DLG2: variants seen among roughly 807,000 people sequenced by gnomAD.
The protein encoded by DLG2 is discs large MAGUK scaffold protein 2, also known as disks large homolog 2.
In DLG2, 45 loss-of-function variants were observed where a neutral mutation model predicts 132.5. The ratio of observed to expected loss-of-function variants is 0.34; its 90% CI spans 0.27 to 0.44. The LOEUF (loss-of-function observed/expected upper bound fraction) is 0.44. Among genes scored for constraint, DLG2 ranks in the 20% least tolerant of loss-of-function variants. The probability of loss-of-function intolerance (pLI) is 1.00; values close to 1 mark genes in which losing one functional copy is unlikely to be tolerated. For missense variants in DLG2, 1,045 were observed against 1,196.9 expected (o/e 0.87, Z 1.87); for synonymous variants, 424 against 419.6 (o/e 1.01, Z -0.13).
At chr11:83,482,950 C>T (rs773808033) in intron 22 of DLG2, among the ~76,000 whole-genome samples, 15 of 152,056 alleles carry the variant, frequency 9.9e-5, no homozygotes, top group African/African-American at 3.1e-4. Context: ...AGGTATTAAG[C>T]GGCAGAGCAA....
chr11:85,561,067 T>C (rs1312362146), intron 3 of DLG2, among the ~76,000 whole-genome samples: 1 of 148,152 alleles, frequency 6.7e-6, no homozygotes, highest in Non-Finnish European at 1.5e-5. Context: ...CACTGTGAGC[T>C]GTGTAAGGCC....
At chr11:83,664,533 G>A (rs1197727728) in intron 18 of DLG2, among the ~76,000 whole-genome samples, 1 of 151,970 alleles carries the variant, frequency 6.6e-6, no homozygotes, top group Non-Finnish European at 1.5e-5. Context: ...AGTAGTTAAA[G>A]CTGCAGGAAT....
intron 6 of DLG2, among the ~76,000 whole-genome samples, chr11:84,811,821 C>T (rs768082761): frequency 1.3e-5 from 2 of 152,144 alleles, no homozygotes; most frequent in Admixed American, 6.6e-5. Context: ...TATAAAGTAG[C>T]TCAGAATCTA....
chr11:84,713,115 A>G (rs1033371573), intron 6 of DLG2, among the ~76,000 whole-genome samples: 9 of 152,128 alleles, frequency 5.9e-5, no homozygotes. Context: ...TGCATAAATG[A>G]CATTTTTGCA....
chr11:84,694,236 T>G (rs2058374584), intron 6 of DLG2, among the ~76,000 whole-genome samples: 1 of 151,512 alleles, frequency 6.6e-6, no homozygotes, highest in Non-Finnish European at 1.5e-5. Flanking sequence ...AGAAAATTAT[T>G]CTCCTTAAGA....
intron 7 of DLG2, among the ~76,000 whole-genome samples, chr11:84,329,378 TG>T (rs1014933607): frequency 6.6e-6 from 1 of 152,042 alleles, no homozygotes; most frequent in Non-Finnish European, 1.5e-5. Flanking sequence ...AGGGACCTGG[TG>T]GGGGGTAACT....
intron 18 of DLG2, among the ~76,000 whole-genome samples, chr11:83,660,415 A>G (rs546794583): frequency 7.0e-4 from 107 of 152,356 alleles, no homozygotes; most frequent in African/African-American, 2.5e-3. Context: ...AAAATTTTAC[A>G]ACAAAATCCA....
chr11:84,260,397 T>C (rs558026796), intron 7 of DLG2, among the ~76,000 whole-genome samples: 2 of 152,232 alleles, frequency 1.3e-5, no homozygotes, highest in Non-Finnish European at 2.9e-5. Context: ...ATGCTCGCCA[T>C]ATACGTACTT....
intron 9 of DLG2, among the ~76,000 whole-genome samples, chr11:84,156,342 A>C (rs1454018): frequency 0.79 from 119,895 of 152,058 alleles, 47,702 homozygotes; most frequent in Middle Eastern, 0.88. Context: ...AGCTTATATA[A>C]CCCCAACATG....
intron 6 of DLG2, among the ~76,000 whole-genome samples, chr11:84,866,592 G>C (rs1010042833): frequency 6.6e-6 from 1 of 152,128 alleles, no homozygotes; most frequent in Non-Finnish European, 1.5e-5. Flanking sequence ...TGGAATCACT[G>C]CTAACTTCAC....
At chr11:83,464,158 G>A (rs1411488044) in intron 26 of DLG2, among the ~76,000 whole-genome samples, 3 of 152,220 alleles carry the variant, frequency 2.0e-5, no homozygotes, top group Non-Finnish European at 4.4e-5. Flanking sequence ...AAGTGGCAGG[G>A]TGAAGGGAGA....
intron 3 of DLG2, among the ~76,000 whole-genome samples, chr11:85,358,052 T>A (rs1393598726): frequency 1.3e-5 from 2 of 151,292 alleles, no homozygotes; most frequent in African/African-American, 2.4e-5. Context: ...AGATGGTGAT[T>A]AAGAGATTAG....
intron 3 of DLG2, among the ~76,000 whole-genome samples, chr11:85,340,899 T>C (rs1318443827): frequency 6.6e-6 from 1 of 152,224 alleles, no homozygotes; most frequent in Admixed American, 6.5e-5. Flanking sequence ...TCATTTCTTA[T>C]ATTTAGATCC....
At chr11:83,988,364 G>T (rs2093476856) in intron 11 of DLG2, among the ~76,000 whole-genome samples, 1 of 151,864 alleles carries the variant, frequency 6.6e-6, no homozygotes, top group Non-Finnish European at 1.5e-5. Flanking sequence ...AGCTATGGAT[G>T]CCTTCAGCTT....
chr11:85,609,734 G>A (rs1019642540), intron 2 of DLG2, among the ~76,000 whole-genome samples: 7 of 152,106 alleles, frequency 4.6e-5, no homozygotes, highest in South Asian at 2.1e-4. Context: ...ACTGAGCCCC[G>A]GATACGTTTA....
rs555977944 is a variant in DLG2, at chr11:85,173,098, T to C, written c.187-18447A>G. On this transcript the variant is annotated intron_variant, in intron 4 of 27. Coordinates refer to ENST00000376104, the MANE Select transcript of DLG2 (RefSeq NM_001142699.3). Reference sequence around the variant, plus strand: ...CCTAACCTAGCAAATCGGGCCAACATTCAAATTCAAAAAATCCAGGGAACC... The same window carrying C: ...CCTAACCTAGCAAATCGGGCCAACACTCAAATTCAAAAAATCCAGGGAACC... 2.6e-5 allele frequency among the ~76,000 whole-genome samples: 4 copies of C among 152,180 alleles called. No individual in the cohort carries two copies. In the South Asian group the frequency reaches 8.3e-4, roughly 32 times the overall value.
intron 3 of DLG2, among the ~76,000 whole-genome samples, chr11:85,518,624 T>A (rs2094215684): frequency 6.6e-6 from 1 of 152,190 alleles, no homozygotes; most frequent in Non-Finnish European, 1.5e-5. Context: ...AAAACCCATT[T>A]TCTGAGGATA....
At chr11:83,478,074 C>A (rs368024061) in intron 22 of DLG2, among the ~76,000 whole-genome samples, 13 of 152,086 alleles carry the variant, frequency 8.5e-5, no homozygotes, top group African/African-American at 2.7e-4. Flanking sequence ...TTATTTATAT[C>A]TCTCTCCTAC....
At chr11:84,319,393 T>C (rs994122466) in intron 7 of DLG2, among the ~76,000 whole-genome samples, 21 of 152,192 alleles carry the variant, frequency 1.4e-4, no homozygotes, top group Non-Finnish European at 2.5e-4. Context: ...AAGTGATAAG[T>C]TTGGCTGTCT....
Sources: gnomAD v4.1 joint callset for allele counts (sites outside exome capture counted in the v4.1 genomes callset) on GRCh38, gnomAD v4.1.1 for gene constraint, MANE v1.5 for transcripts, NCBI Gene and HGNC (gene_info 2026-07-23, HGNC 2026-07-21) for gene names.